The following EDNRA variants were observed in gnomAD, a reference collection of about 807,000 sequenced individuals.
The protein encoded by EDNRA is endothelin-1 receptor.
A neutral mutation model predicts 41.4 loss-of-function variants in EDNRA; 11 were observed. The observed-to-expected ratio is 0.27, with a 90% CI of 0.17 to 0.44. EDNRA has a LOEUF of 0.44. Among genes scored for constraint, EDNRA ranks in the 20% least tolerant of loss-of-function variants. The probability of loss-of-function intolerance (pLI) is 1.00; values close to 1 mark genes in which losing one functional copy is unlikely to be tolerated. For synonymous variants in EDNRA, 172 were observed against 183.0 expected, an observed-to-expected ratio of 0.94 and a Z score of 0.49; for missense variants, 294 against 531.0, an observed-to-expected ratio of 0.55 and a Z score of 4.39.
At chr4:147,518,283 C>A (rs1730186006) in intron 2 of EDNRA, among the ~76,000 whole-genome samples, 1 of 152,116 alleles carries the variant, frequency 6.6e-6, no homozygotes, top group Admixed American at 6.5e-5. Context: ...TCAGCAATGG[C>A]ATAATTATTT....
chr4:147,539,958 C>G lies in EDNRA; in HGVS notation c.1034+8C>G. The G allele has an allele frequency of 6.3e-7, 1 of 1,576,718 alleles. No individual in the cohort carries two copies. The highest frequency in any genetic ancestry group is 1.2e-5 in the South Asian group (1 of 84,018). ...CCGATGTGAATTACTTAGGTATGAT[C>G]CTGTGTACTCGCTAGAAAATTGGAG... is the stretch of plus-strand genomic sequence containing the variant. On this transcript the variant is annotated splice_region_variant and intron_variant, in intron 6 of 7. Coordinates refer to ENST00000651419, the MANE Select transcript of EDNRA (RefSeq NM_001957.4).
At chr4:147,530,570 T>G (rs1343120063) in intron 3 of EDNRA, among the ~76,000 whole-genome samples, 1 of 152,246 alleles carries the variant, frequency 6.6e-6, no homozygotes, top group Non-Finnish European at 1.5e-5. Flanking sequence ...CCTAAAAATC[T>G]TTTATAAAAC....
chr4:147,513,857 T>C (rs930446264), intron 2 of EDNRA, among the ~76,000 whole-genome samples: 2 of 152,004 alleles, frequency 1.3e-5, no homozygotes, highest in Non-Finnish European at 2.9e-5. Context: ...GAGAGGAAAA[T>C]CAGCACAAAG....
chr4:147,534,153 G>A (rs945982510), intron 4 of EDNRA, among the ~76,000 whole-genome samples: 1 of 152,036 alleles, frequency 6.6e-6, no homozygotes, highest in Non-Finnish European at 1.5e-5. Flanking sequence ...CCCTCTCAAG[G>A]GTCAGCCTCT....
chr4:147,541,922 T>A (rs1437032501), intron 7 of EDNRA, among the ~76,000 whole-genome samples: 1 of 152,190 alleles, frequency 6.6e-6, no homozygotes, highest in Non-Finnish European at 1.5e-5. Context: ...TTAACCCCAC[T>A]TTTTGATGAA....
chr4:147,504,898 C>T (rs1729633941), intron 2 of EDNRA, among the ~76,000 whole-genome samples: 2 of 132,630 alleles, frequency 1.5e-5, no homozygotes, highest in Non-Finnish European at 3.0e-5. Flanking sequence ...GCAGAGGTTG[C>T]AGTGAGCCGA....
chr4:147,486,113 C>T lies in EDNRA; in HGVS notation c.420+12C>T, dbSNP rs202159529. The T allele has an allele frequency of 8.8e-6, 14 of 1,591,842 alleles. No individual in the cohort carries two copies. The highest frequency in any genetic ancestry group is 1.2e-5 in the Non-Finnish European group (14 of 1,166,762). On this transcript the variant is annotated intron_variant, in intron 2 of 7. Coordinates refer to ENST00000651419, the MANE Select transcript of EDNRA (RefSeq NM_001957.4). The surrounding 1 kb of genome is among the most constrained non-coding windows in gnomAD (Gnocchi z 4.3). The stretch of plus-strand genomic sequence containing the variant: ...TCAATGTATTTAAGGTAGGAAGTAA[C>T]CACAAATGTATTTGCAAATTTAAAC...
chr4:147,526,698 G>A (rs769111191), intron 3 of EDNRA, among the ~76,000 whole-genome samples: 2 of 152,210 alleles, frequency 1.3e-5, no homozygotes, highest in East Asian at 1.9e-4. Flanking sequence ...CAGTGGCTCA[G>A]CCTTAGGAGG....
chr4:147,509,450 A>G (rs1729842415), intron 2 of EDNRA, among the ~76,000 whole-genome samples: 1 of 152,144 alleles, frequency 6.6e-6, no homozygotes, highest in Non-Finnish European at 1.5e-5. Flanking sequence ...TGGTCTGCAT[A>G]CAACACTGAG....
rs547144989 is a variant in EDNRA at position 147,536,314 on chromosome 4, A to G, written c.900+285A>G. ...GTGTGTATGTGAGTTCGTGCATTCA[A>G]TTGGGCTTGAAACTGTACCAGGACA... On this transcript the variant is annotated intron_variant, in intron 5 of 7. Coordinates refer to ENST00000651419, the MANE Select transcript of EDNRA (RefSeq NM_001957.4). 1.2e-4 allele frequency among the ~76,000 whole-genome samples: 19 copies of G among 152,296 alleles called. No individual in the cohort carries two copies. In the South Asian group the frequency reaches 1.7e-3, roughly 13 times the overall value.
At chr4:147,532,883 A>G (rs945265002) in intron 4 of EDNRA, among the ~76,000 whole-genome samples, 179 bp downstream of exon 4, 2 of 152,222 alleles carry the variant, frequency 1.3e-5, no homozygotes, top group Admixed American at 1.3e-4. Flanking sequence ...TAGAACAGTT[A>G]TGCTGGCTTT....
intron 2 of EDNRA, among the ~76,000 whole-genome samples, chr4:147,510,022 C>G (rs1290320488): frequency 1.3e-5 from 2 of 152,124 alleles, no homozygotes; most frequent in Non-Finnish European, 2.9e-5. Flanking sequence ...TAGATGGTCT[C>G]TAAGCTCCCA....
At chr4:147,530,840 T>C (rs1730716303) in intron 3 of EDNRA, among the ~76,000 whole-genome samples, 1 of 152,218 alleles carries the variant, frequency 6.6e-6, no homozygotes. Flanking sequence ...ACTTTGCATG[T>C]CCTGCAAACC....
At chr4:147,529,525 A>C (rs1395138550) in intron 3 of EDNRA, among the ~76,000 whole-genome samples, 1 of 152,032 alleles carries the variant, frequency 6.6e-6, no homozygotes, top group Non-Finnish European at 1.5e-5. Flanking sequence ...ATGAGAAGGA[A>C]TGGCCAGTAA....
chr4:147,532,530 T>C lies in EDNRA; in HGVS notation c.573T>C (p.Ser191=), dbSNP rs201016946. 5 of 1,613,778 alleles carry C rather than the reference T, an allele frequency of 3.1e-6. No homozygotes were observed. The South Asian group carries it at 4.4e-5, about 14-fold the overall frequency. The change falls in exon 4 of 8, where the codon AGT becomes AGC. Residue 191 remains serine, a synonymous_variant. Coordinates refer to ENST00000651419, the MANE Select transcript of EDNRA (RefSeq NM_001957.4). ...GGTACAGAGCAGTTGCCTCCTGGAGTCGTGTTCAGGGAATTGGGATTCCTT... is the reference window on the plus strand; with the variant it reads ...GGTACAGAGCAGTTGCCTCCTGGAGCCGTGTTCAGGGAATTGGGATTCCTT... ...VDRYRAVASW[S]RVQGIGIPLV...
chr4:147,523,413 G>A (rs1422062297), intron 3 of EDNRA, among the ~76,000 whole-genome samples: 3 of 152,008 alleles, frequency 2.0e-5, no homozygotes, highest in African/African-American at 7.2e-5. Flanking sequence ...GAGTGTGCTT[G>A]GGATTTGGTA....
At chr4:147,494,165 TA>T (rs1729229637) in intron 2 of EDNRA, 1 of 152,210 alleles carries the variant, frequency 6.6e-6, no homozygotes, top group Non-Finnish European at 1.5e-5. Context: ...GTTTACTCAG[TA>T]ATATAAGGTA....
intron 2 of EDNRA, chr4:147,488,828 C>G (rs1208949539): frequency 1.3e-5 from 2 of 152,260 alleles, no homozygotes; most frequent in Non-Finnish European, 2.9e-5. Context: ...CCCTTTCCCC[C>G]ATAGCTGCCT....
At chr4:147,533,126 G>C (rs1448495819) in intron 4 of EDNRA, among the ~76,000 whole-genome samples, 1 of 151,922 alleles carries the variant, frequency 6.6e-6, no homozygotes, top group African/African-American at 2.4e-5. Context: ...TGTCACTTGG[G>C]GAGAAGCACA....
Sources: allele counts gnomAD v4.1 joint callset (sites outside exome capture counted in the v4.1 genomes callset), GRCh38; gene constraint gnomAD v4.1.1; non-coding constraint Gnocchi (gnomAD v3.1); transcripts MANE v1.5; gene names NCBI Gene and HGNC (gene_info 2026-07-23, HGNC 2026-07-21).